SBF1: variants seen among roughly 807,000 people sequenced by gnomAD.
SBF1 encodes myotubularin-related protein 5.
Under a neutral mutation model 215.8 loss-of-function variants are expected in SBF1, and 65 were observed. The ratio of observed to expected loss-of-function variants is 0.30; its 90% CI spans 0.25 to 0.37. The LOEUF is 0.37. Ranked by LOEUF, SBF1 falls within the 10% of genes least tolerant of loss-of-function variation. The pLI is 1.00. For synonymous variants in SBF1, 1,410 were observed against 1,122.8 expected (o/e 1.26, Z -5.11); for missense variants, 2,634 against 2,667.8 (o/e 0.99, Z 0.28).
chr22:50,456,646 CCACTGGTCCGGA>C lies in SBF1; in HGVS notation c.3920_3931del (p.Val1307_Ser1310del). The C allele has an allele frequency of 6.6e-7, 1 of 1,503,918 alleles. No homozygotes were observed. Among genetic ancestry groups the C allele is most frequent in the Non-Finnish European group, 8.9e-7 (1 of 1,127,496 alleles). 93.2% of individuals were successfully genotyped at this position (1,503,918 alleles called of 1,614,324 possible). ...ATCGGTGCCAAGGCCACTGCTGCGT[CCACTGGTCCGGA>C]CACTGCCCCACTTACCTGTGAAGGA... On this transcript the variant is annotated inframe_deletion, in exon 30 of 41. Coordinates refer to ENST00000380817, the MANE Select transcript of SBF1 (RefSeq NM_002972.4).
intron 28 of SBF1, among the ~76,000 whole-genome samples, chr22:50,458,421 A>G (rs1319852334): frequency 6.6e-6 from 1 of 151,794 alleles, no homozygotes; most frequent in Non-Finnish European, 1.5e-5. Flanking sequence ...GGCAGCAGCC[A>G]CTGGCACTGG....
intron 36 of SBF1, among the ~76,000 whole-genome samples, chr22:50,450,456 G>C (rs2067002537): frequency 6.6e-6 from 1 of 151,974 alleles, no homozygotes; most frequent in Non-Finnish European, 1.5e-5. Flanking sequence ...GGGAAGTGGA[G>C]GCTGCAGTGA....
At chr22:50,460,456 T>G (rs1276416951) in intron 24 of SBF1, 48 bp from the exon 25 acceptor site, 2 of 1,603,032 alleles carry the variant, frequency 1.2e-6, no homozygotes, top group Non-Finnish European at 8.5e-7. Context: ...GGGACAAAGA[T>G]GAGCACAGGG....
At chr22:50,451,996 A>G (rs2067065377) in intron 36 of SBF1, among the ~76,000 whole-genome samples, 2 of 151,970 alleles carry the variant, frequency 1.3e-5, no homozygotes, top group African/African-American at 2.4e-5. Flanking sequence ...GGGTTTCACC[A>G]TATTTGCCAG....
chr22:50,446,720 A>G lies in SBF1; in HGVS notation c.*422T>C. The G allele has an allele frequency of 2.3e-6, 1 of 429,154 alleles. No individual in the cohort carries two copies. The highest frequency in any genetic ancestry group is 4.6e-6 in the Non-Finnish European group (1 of 216,088). The allele number at this position is 429,154 out of a possible 1,614,324, so 26.6% of individuals were successfully genotyped here. On this transcript the variant is annotated 3_prime_UTR_variant, in exon 41 of 41. Transcript: ENST00000380817. ...ACGAGAAAGATGCCAACCTCCCGCC[A>G]GGTGGGCCTGGATAGGGGCAGATGG...
Position 50,454,625 on chromosome 22 carries a change from G to A in SBF1, c.4930C>T (p.Pro1644Ser). The change falls in exon 36 of 41, where the codon CCA becomes TCA. Residue 1644 changes from proline to serine, a missense_variant. Transcript: ENST00000380817. ...CCTCCATCAGACCGTTCTTCCTCTG[G>A]GGGTTCAGGGGGCCCCTGGGCCAGT... ...WELAQGPPEPPEEERSDGGAP... is the reference protein window; with the variant it reads ...WELAQGPPEPSEEERSDGGAP... 4 of 1,602,840 alleles carry A rather than the reference G, an allele frequency of 2.5e-6. No individual in the cohort carries two copies. The highest frequency in any genetic ancestry group is 2.6e-6 in the Non-Finnish European group (3 of 1,174,350).
intron 1 of SBF1, 74 bp downstream of exon 1, chr22:50,474,710 ACC>A (rs1388755375): frequency 4.1e-6 from 4 of 983,044 alleles, no homozygotes; most frequent in Non-Finnish European, 5.5e-6. Flanking sequence ...CCGGCCCTCG[ACC>A]CTCAGACCCA....
At chr22:50,453,989 G>C (rs1358009179) in intron 36 of SBF1, among the ~76,000 whole-genome samples, 3 of 151,988 alleles carry the variant, frequency 2.0e-5, no homozygotes, top group Non-Finnish European at 4.4e-5. Flanking sequence ...CCACCCAATC[G>C]CAGTCTCCTT....
chr22:50,451,874 G>T (rs2067061127), intron 36 of SBF1, among the ~76,000 whole-genome samples: 1 of 150,842 alleles, frequency 6.6e-6, no homozygotes, highest in African/African-American at 2.4e-5. Context: ...TCAGCTCAGT[G>T]CAGCCTCCAC....
At chr22:50,466,314 CAGG>C (rs1169928779) in intron 7 of SBF1, 33 bp downstream of exon 7, 12 of 1,606,782 alleles carry the variant, frequency 7.5e-6, no homozygotes, top group African/African-American at 4.0e-5. Context: ...GCAAAGGGGC[CAGG>C]AGAAGGGGCT....
chr22:50,467,494 C>A, intron 4 of SBF1, 38 bp downstream of exon 4: 1 of 1,613,806 alleles, frequency 6.2e-7, no homozygotes, highest in Non-Finnish European at 8.5e-7. Flanking sequence ...GATGGAAGCA[C>A]CCTCGTCGTG....
chr22:50,468,768 G>A (rs1474409922), intron 1 of SBF1, among the ~76,000 whole-genome samples: 1 of 151,990 alleles, frequency 6.6e-6, no homozygotes, highest in Non-Finnish European at 1.5e-5. Flanking sequence ...AACACTTCGG[G>A]ACTGTTCCAC....
chr22:50,456,928 T>C (rs1165291193), intron 29 of SBF1, 106 bp downstream of exon 29: 4 of 974,710 alleles, frequency 4.1e-6, no homozygotes, highest in African/African-American at 1.7e-5. Flanking sequence ...GGGTCGTTAG[T>C]GTCAGGTGTG....
chr22:50,461,336 G>T (rs532002016), intron 22 of SBF1, 50 bp from the exon 23 acceptor site: 41 of 1,555,242 alleles, frequency 2.6e-5, no homozygotes, highest in South Asian at 4.7e-5. Context: ...AGGGGGGGGG[G>T]GTCCCAGAAT....
chr22:50,474,661 G>A (rs1203120375), intron 1 of SBF1, 125 bp downstream of exon 1: 3 of 599,218 alleles, frequency 5.0e-6, no homozygotes, highest in African/African-American at 2.2e-5. Flanking sequence ...CTCAGTCCTC[G>A]GCCTCCCGAC....
Position 50,471,836 on chromosome 22 carries a change from T to C in SBF1, c.55+2950A>G, listed in dbSNP as rs182857476. On this transcript the variant is annotated intron_variant, in intron 1 of 40. Transcript: ENST00000380817. Reference sequence around the variant, plus strand: ...AGGGCAGGAACGTGGGTGGGGACAGTAGATGGGGCTCAAGAATGCAGCCAG... The same window carrying C: ...AGGGCAGGAACGTGGGTGGGGACAGCAGATGGGGCTCAAGAATGCAGCCAG... Among the ~76,000 whole-genome samples the C allele has an allele frequency of 2.4e-3, 369 of 152,098 alleles. 5 individuals are homozygous for C. The highest frequency in any genetic ancestry group is 7.8e-3 in the East Asian group (40 of 5,158).
intron 29 of SBF1, 133 bp from the exon 30 acceptor site, chr22:50,456,806 G>A (rs1053214368): frequency 3.4e-5 from 28 of 814,146 alleles, no homozygotes; most frequent in South Asian, 9.9e-5. Context: ...CAGCAGGGCC[G>A]TGCGAGAGGA....
intron 10 of SBF1, 138 bp from the exon 11 acceptor site, chr22:50,465,466 A>G: frequency 1.3e-6 from 1 of 742,152 alleles, no homozygotes; most frequent in Non-Finnish European, 2.2e-6. Context: ...TTCTGCACTC[A>G]GGGCCACCAG....
Position 50,461,799 on chromosome 22 carries a change from C to G in SBF1, c.2640G>C (p.Gln880His), listed in dbSNP as rs777202740. The change falls in exon 21 of 41, where the codon CAG becomes CAC. Residue 880 changes from glutamine to histidine, a missense_variant. By Grantham distance (24) the Gln-to-His change is conservative. Coordinates refer to ENST00000380817, the MANE Select transcript of SBF1 (RefSeq NM_002972.4). Reference protein sequence around the residue: ...QRESRRLPPIQKPKLLRPRLL... With the variant: ...QRESRRLPPIHKPKLLRPRLL... ...AGCCCCAACGGCCCCCGCAAACCTT[C>G]TGGATGGGCGGCAGCCTCCGGCTCT... 1.2e-6 allele frequency: 2 copies of G among 1,613,322 alleles called. No homozygotes were observed. The highest frequency in any genetic ancestry group is 1.7e-6 in the Non-Finnish European group (2 of 1,179,966).
Sources: gnomAD v4.1 joint callset for allele counts (sites outside exome capture counted in the v4.1 genomes callset) on GRCh38, gnomAD v4.1.1 for gene constraint, MANE v1.5 for transcripts, NCBI Gene and HGNC (gene_info 2026-07-23, HGNC 2026-07-21) for gene names.